CNTN4: variants seen among roughly 807,000 people sequenced by gnomAD.
CNTN4 encodes contactin-4.
In CNTN4, 77 loss-of-function variants were observed where a neutral mutation model predicts 122.5. That is an observed-to-expected ratio of 0.63 (90% confidence interval 0.52 to 0.76). The LOEUF is 0.76. Among genes scored for constraint, CNTN4 ranks in the 30% least tolerant of loss-of-function variants. CNTN4 has a pLI of 0.00. For missense variants in CNTN4, 1,256 were observed against 1,259.1 expected (o/e 1.00, Z 0.04); for synonymous variants, 512 against 447.0 (o/e 1.15, Z -1.83).
At chr3:2,990,000 T>TTTGAGTCTC (rs1262567788) in intron 14 of CNTN4, among the ~76,000 whole-genome samples, 5 of 152,182 alleles carry the variant, frequency 3.3e-5, no homozygotes, top group Non-Finnish European at 7.4e-5. Context: ...GTGATCTGGA[T>TTTGAGTCTC]TTGAGTCTCA....
intron 4 of CNTN4, among the ~76,000 whole-genome samples, chr3:2,733,913 A>G (rs1376679040): frequency 2.6e-5 from 4 of 152,020 alleles, no homozygotes; most frequent in Admixed American, 2.0e-4. Flanking sequence ...TTAACTTTTT[A>G]TTGATGTGGT....
rs563630918 is a variant in CNTN4 at position 2,949,568 on chromosome 3, C to G, written c.1358+23789C>G. 5.3e-5 allele frequency among the ~76,000 whole-genome samples: 8 copies of G among 152,260 alleles called. No individual in the cohort carries two copies. In the South Asian group the frequency reaches 1.7e-3, roughly 32 times the overall value. ...AGCCAATCAGACCCTCTCCTTCTTT[C>G]AAGAATCAGAATTTTCCTATGGGCA... On this transcript the variant is annotated intron_variant, in intron 13 of 24. Transcript: ENST00000418658.
At chr3:2,321,155 A>C (rs1341070153) in intron 2 of CNTN4, among the ~76,000 whole-genome samples, 11 of 152,134 alleles carry the variant, frequency 7.2e-5, no homozygotes, top group Non-Finnish European at 1.5e-4. Flanking sequence ...TTTAATTCAC[A>C]GAGCACATTA....
chr3:2,517,632 C>G (rs535816271), intron 3 of CNTN4, among the ~76,000 whole-genome samples: 13 of 152,214 alleles, frequency 8.5e-5, no homozygotes, highest in African/African-American at 3.1e-4. Context: ...TTAGGTCTTC[C>G]AAGCATTTAG....
At chr3:2,982,981 G>T (rs1443951433) in intron 13 of CNTN4, among the ~76,000 whole-genome samples, 1 of 151,664 alleles carries the variant, frequency 6.6e-6, no homozygotes, top group Non-Finnish European at 1.5e-5. Flanking sequence ...TTTGGGAGGC[G>T]AGGCGGGCGG....
At chr3:2,644,639 C>T (rs183423880) in intron 4 of CNTN4, among the ~76,000 whole-genome samples, 9 of 150,860 alleles carry the variant, frequency 6.0e-5, no homozygotes, top group Admixed American at 5.3e-4. Flanking sequence ...CTAAGTGAGT[C>T]CATGGATTAG....
chr3:2,379,848 A>C (rs2045951913), intron 3 of CNTN4, among the ~76,000 whole-genome samples: 1 of 152,080 alleles, frequency 6.6e-6, no homozygotes, highest in Admixed American at 6.6e-5. Context: ...TGAGGTGGGG[A>C]GTTCGAGACC....
At chr3:2,911,290 C>T (rs2094296877) in intron 12 of CNTN4, among the ~76,000 whole-genome samples, 2 of 152,126 alleles carry the variant, frequency 1.3e-5, no homozygotes, top group South Asian at 4.1e-4. Flanking sequence ...ATGCTTCCTG[C>T]AGCACTAGAA....
At chr3:2,644,175 A>C (rs1231211070) in intron 4 of CNTN4, among the ~76,000 whole-genome samples, 1 of 152,184 alleles carries the variant, frequency 6.6e-6, no homozygotes, top group Non-Finnish European at 1.5e-5. Flanking sequence ...AGGGCAGATA[A>C]GGAAGCCCCT....
At chr3:2,720,230 A>C (rs1239070818) in intron 4 of CNTN4, among the ~76,000 whole-genome samples, 3 of 152,140 alleles carry the variant, frequency 2.0e-5, no homozygotes, top group Non-Finnish European at 4.4e-5. Flanking sequence ...CTTCTTTTTG[A>C]TGTCAATGAG....
intron 2 of CNTN4, among the ~76,000 whole-genome samples, chr3:2,130,148 T>C (rs2034383083): frequency 6.6e-6 from 1 of 152,172 alleles, no homozygotes; most frequent in Non-Finnish European, 1.5e-5. Flanking sequence ...ATTTTTATTG[T>C]ATGGGGGTTT....
At chr3:2,226,940 A>G (rs1390619895) in intron 2 of CNTN4, among the ~76,000 whole-genome samples, 1 of 152,142 alleles carries the variant, frequency 6.6e-6, no homozygotes, top group African/African-American at 2.4e-5. Flanking sequence ...TCCATTTTAT[A>G]AATGAAGAAA....
At chr3:3,013,769 G>T (rs1412971387) in intron 14 of CNTN4, among the ~76,000 whole-genome samples, 1 of 152,104 alleles carries the variant, frequency 6.6e-6, no homozygotes, top group East Asian at 1.9e-4. Context: ...GTAAATGAAT[G>T]ATTTTTCTTA....
intron 4 of CNTN4, among the ~76,000 whole-genome samples, chr3:2,651,434 T>A (rs1464794635): frequency 6.6e-6 from 1 of 152,212 alleles, no homozygotes; most frequent in Non-Finnish European, 1.5e-5. Flanking sequence ...TTCGATCAGA[T>A]TCTCATGGAA....
At chr3:2,879,449 T>A (rs565601646) in intron 8 of CNTN4, among the ~76,000 whole-genome samples, 3 of 152,252 alleles carry the variant, frequency 2.0e-5, no homozygotes, top group Admixed American at 6.5e-5. Context: ...AGGAAACTAA[T>A]ACAACCAGCG....
At chr3:2,347,167 T>C (rs968718122) in intron 3 of CNTN4, among the ~76,000 whole-genome samples, 1 of 152,168 alleles carries the variant, frequency 6.6e-6, no homozygotes, top group Admixed American at 6.5e-5. Context: ...GCCCCAAGTG[T>C]CATGGATTAA....
intron 7 of CNTN4, among the ~76,000 whole-genome samples, chr3:2,830,203 G>A (rs1364872665): frequency 6.6e-6 from 1 of 152,086 alleles, no homozygotes; most frequent in East Asian, 1.9e-4. Flanking sequence ...GTTAGTTTGT[G>A]TGTACTTTAA....
chr3:3,007,598 A>T (rs528955646), intron 14 of CNTN4, among the ~76,000 whole-genome samples: 1 of 152,362 alleles, frequency 6.6e-6, no homozygotes, highest in Admixed American at 6.5e-5. Context: ...AACAGTATGC[A>T]GAACAATATG....
Position 2,942,179 on chromosome 3 carries a change from A to G in CNTN4, c.1358+16400A>G, listed in dbSNP as rs71623106. On this transcript the variant is annotated intron_variant, in intron 13 of 24. Transcript: ENST00000418658. ...GTTCAATAAATGAAGAAAGAAATCA[A>G]TGGACTTACAGCCTCTTTTCACGAG... is the stretch of plus-strand genomic sequence containing the variant. Among the ~76,000 whole-genome samples, 101 of 152,352 alleles carry G rather than the reference A, an allele frequency of 6.6e-4. 1 individual carries two copies. Among genetic ancestry groups the G allele is most frequent in the Middle Eastern group, 3.4e-3 (1 of 294 alleles).
Sources: allele counts gnomAD v4.1 joint callset (sites outside exome capture counted in the v4.1 genomes callset), GRCh38; gene constraint gnomAD v4.1.1; transcripts MANE v1.5; gene names NCBI Gene and HGNC (gene_info 2026-07-23, HGNC 2026-07-21).